AHI1: variants seen among roughly 807,000 people sequenced by gnomAD.
The protein encoded by AHI1 is jouberin.
A neutral mutation model predicts 149.3 loss-of-function variants in AHI1; 123 were observed. That is an observed-to-expected ratio of 0.82 (90% CI 0.71 to 0.96). AHI1 has a LOEUF of 0.96. Among genes scored for constraint, AHI1 ranks in the 40% least tolerant of loss-of-function variants. The pLI is 0.00. For synonymous variants in AHI1, 475 were observed against 459.8 expected (o/e 1.03, Z -0.42); for missense variants, 1,439 against 1,422.7 (o/e 1.01, Z -0.18).
At chr6:135,420,575 C>T (rs962893656) in intron 20 of AHI1, among the ~76,000 whole-genome samples, 4 of 152,124 alleles carry the variant, frequency 2.6e-5, no homozygotes, top group African/African-American at 9.7e-5. Context: ...GTTATGGAGA[C>T]GGTTACCTTC....
At chr6:135,380,017 T>A (rs1027732864) in intron 23 of AHI1, among the ~76,000 whole-genome samples, 1 of 121,708 alleles carries the variant, frequency 8.2e-6, no homozygotes, top group Non-Finnish European at 1.7e-5. Flanking sequence ...TCCTCCCTCC[T>A]TCCTTCCTTC....
At chr6:135,390,401 T>G (rs1301130285) in intron 23 of AHI1, among the ~76,000 whole-genome samples, 1 of 152,156 alleles carries the variant, frequency 6.6e-6, no homozygotes, top group African/African-American at 2.4e-5. Context: ...TCCAAAGAGT[T>G]ATACTGTTTA....
chr6:135,465,351 C>G (rs943696406), intron 7 of AHI1, among the ~76,000 whole-genome samples: 1 of 151,894 alleles, frequency 6.6e-6, no homozygotes, highest in Non-Finnish European at 1.5e-5. Context: ...ACCAAATTGC[C>G]AATAGTGATT....
At chr6:135,340,670 T>TATAC (rs1177418961) in intron 24 of AHI1, among the ~76,000 whole-genome samples, 5 of 123,086 alleles carry the variant, frequency 4.1e-5, no homozygotes, top group East Asian at 2.3e-4. Flanking sequence ...TATATATATA[T>TATAC]ATATATATAT....
At chr6:135,341,234 T>C (rs2327613) in intron 24 of AHI1, among the ~76,000 whole-genome samples, 90,206 of 151,844 alleles carry the variant, frequency 0.59, 26,849 homozygotes, top group Middle Eastern at 0.65. Flanking sequence ...GATTTAAGGA[T>C]ACAAGACTGT....
Position 135,425,487 on chromosome 6 carries a change from T to C in AHI1, c.2764+1680A>G, listed in dbSNP as rs115058428. Among the ~76,000 whole-genome samples the C allele has an allele frequency of 9.4e-3, 1,435 of 151,988 alleles. 34 individuals carry two copies. Among genetic ancestry groups the C allele is most frequent in the African/African-American group, 0.033 (1,372 of 41,534 alleles). On this transcript the variant is annotated intron_variant, in intron 20 of 28. Coordinates refer to ENST00000265602, the MANE Select transcript of AHI1 (RefSeq NM_001134831.2). ...TTACATATAGTCAAGCATATATTGG[T>C]TGGATGGGCATAACAACCCATTTTA...
intron 24 of AHI1, among the ~76,000 whole-genome samples, chr6:135,335,158 T>C (rs920249718): frequency 4.6e-5 from 7 of 152,204 alleles, no homozygotes; most frequent in Admixed American, 3.3e-4. Context: ...GCTTTACTTA[T>C]CTTGCTTAGT....
intron 26 of AHI1, chr6:135,302,893 A>C: frequency 9.7e-7 from 1 of 1,029,356 alleles, no homozygotes; most frequent in Non-Finnish European, 1.3e-6. Context: ...ACGCCAAAGA[A>C]CATGACTGCC....
In AHI1 at chr6:135,340,658, CAT is replaced by C. The variant is rs71006759; in HGVS notation, c.3166-17336_3166-17335del. Among the ~76,000 whole-genome samples, 304 of 38,032 alleles carry C rather than the reference CAT, an allele frequency of 8.0e-3. 2 individuals carry two copies. Among genetic ancestry groups the C allele is most frequent in the Middle Eastern group, 0.028 (1 of 36 alleles). The allele number at this position is 38,032 out of a possible 152,430, so 25.0% of individuals were successfully genotyped here. A position where few individuals can be genotyped will look rare whatever the true frequency, so the allele number is the denominator to read the frequency against. Reference sequence around the variant, plus strand: ...ACCAGTACATATATATACATACATACATATATATATATATATATATATATATA... The same window carrying C: ...ACCAGTACATATATATACATACATACATATATATATATATATATATATATA... On this transcript the variant is annotated intron_variant, in intron 24 of 28. Transcript: ENST00000265602.
intron 23 of AHI1, among the ~76,000 whole-genome samples, chr6:135,372,518 G>A (rs200916233): frequency 1.4e-3 from 184 of 136,236 alleles, no homozygotes; most frequent in Non-Finnish European, 1.4e-3. Flanking sequence ...GAAAAAAAAA[G>A]AAAAAAAAAA....
chr6:135,411,329 C>G lies in AHI1; in HGVS notation c.2961+19G>C, dbSNP rs759457547. The G allele has an allele frequency of 6.2e-7, 1 of 1,602,358 alleles. No homozygotes were observed. Among genetic ancestry groups the G allele is most frequent in the East Asian group, 2.2e-5 (1 of 44,800 alleles). ...GATAGAAATAGTTTTAAAGTTTCAA[C>G]TGCATAAAATAAACTTACTGTGACA... On this transcript the variant is annotated intron_variant, in intron 21 of 28. Coordinates refer to ENST00000265602, the MANE Select transcript of AHI1 (RefSeq NM_001134831.2).
At chr6:135,376,695 A>G (rs1176251256) in intron 23 of AHI1, among the ~76,000 whole-genome samples, 1 of 151,944 alleles carries the variant, frequency 6.6e-6, no homozygotes, top group Non-Finnish European at 1.5e-5. Flanking sequence ...CAGCCTGACC[A>G]ACATGGTGAA....
Position 135,290,513 on chromosome 6 carries a change from T to C in AHI1, c.3498A>G (p.Arg1166=), listed in dbSNP as rs746858024. Residue 1166 remains arginine, a synonymous_variant, in exon 28 of 29, where the codon AGA becomes AGG. Transcript: ENST00000265602. The part of the protein sequence containing the change: ...GSESMTHSEM[R]KEQSHEDQGH... ...CTTGGTCCTCATGGCTCTGTTCTTT[T>C]CTCATTTCAGAACTATAGGAGGGAA... 40 of 1,613,744 alleles carry C rather than the reference T, an allele frequency of 2.5e-5. No homozygotes were observed. Among genetic ancestry groups the C allele is most frequent in the Non-Finnish European group, 3.4e-5 (40 of 1,179,866 alleles).
chr6:135,425,102 G>A (rs1783746797), intron 20 of AHI1, among the ~76,000 whole-genome samples: 1 of 151,870 alleles, frequency 6.6e-6, no homozygotes, highest in Non-Finnish European at 1.5e-5. Context: ...TTTAAAAATA[G>A]CAACGAGTTG....
chr6:135,368,793 G>A (rs1017139039), intron 23 of AHI1, among the ~76,000 whole-genome samples: 3 of 152,210 alleles, frequency 2.0e-5, no homozygotes, highest in African/African-American at 7.2e-5. Flanking sequence ...AGTGAGCAGG[G>A]TTGAGAACTT....
chr6:135,435,982 A>C (rs150930388), intron 15 of AHI1, among the ~76,000 whole-genome samples: 1 of 152,182 alleles, frequency 6.6e-6, no homozygotes, highest in Non-Finnish European at 1.5e-5. Flanking sequence ...AAATATATGT[A>C]AGAGAATTAA....
intron 24 of AHI1, among the ~76,000 whole-genome samples, chr6:135,350,725 T>A (rs1791965398): frequency 6.6e-6 from 1 of 152,154 alleles, no homozygotes; most frequent in Non-Finnish European, 1.5e-5. Flanking sequence ...AGGTTGTGTA[T>A]ATTCAGGGGC....
At position 135,429,931 on chromosome 6, in the gene AHI1, A is replaced by G; in HGVS notation, c.2443T>C (p.Leu815=). 1.9e-6 allele frequency: 3 copies of G among 1,592,232 alleles called. No individual in the cohort carries two copies. The South Asian group carries it at 3.5e-5, about 18-fold the overall frequency. Residue 815 remains leucine (L), a synonymous_variant, in exon 18 of 29, where the codon TTG becomes CTG. Coordinates refer to ENST00000265602, the MANE Select transcript of AHI1 (RefSeq NM_001134831.2). ...GTACTGTCTTTGGTATGGATTAACAAACGTTTTCCATTGGGATGAATCTCC... is the reference window on the plus strand; with the variant it reads ...GTACTGTCTTTGGTATGGATTAACAGACGTTTTCCATTGGGATGAATCTCC... ...YLEIHPNGKR[L]LIHTKDSTLR...
chr6:135,411,275 ATATT>A (rs1781546886), intron 21 of AHI1, 69 bp downstream of exon 21: 4 of 1,357,200 alleles, frequency 2.9e-6, no homozygotes, highest in Non-Finnish European at 3.1e-6. Flanking sequence ...CATTAAATGA[ATATT>A]TATTGGCATG....
Sources: gnomAD v4.1 joint callset for allele counts (sites outside exome capture counted in the v4.1 genomes callset) on GRCh38, gnomAD v4.1.1 for gene constraint, MANE v1.5 for transcripts, NCBI Gene and HGNC (gene_info 2026-07-23, HGNC 2026-07-21) for gene names.